Variants in FER1L6 observed in about 807,000 individuals in gnomAD.
FER1L6 encodes the protein fer-1 like family member 6.
FER1L6 carries 177 observed loss-of-function variants against 219.2 expected under a neutral mutation model. The observed-to-expected ratio is 0.81, with a 90% CI of 0.71 to 0.91. The LOEUF is 0.91. FER1L6 is among the 40% of genes least tolerant of loss of function. The pLI is 0.00. For synonymous variants in FER1L6, 768 were observed against 824.3 expected, an observed-to-expected ratio of 0.93 and a Z score of 1.17; for missense variants, 2,153 against 2,259.9, an observed-to-expected ratio of 0.95 and a Z score of 0.96.
intron 10 of FER1L6, among the ~76,000 whole-genome samples, chr8:123,979,781 C>G (rs560422768): frequency 2.0e-5 from 3 of 152,302 alleles, no homozygotes; most frequent in South Asian, 2.1e-4. Flanking sequence ...CTTCATGTAA[C>G]AGCCATAGTG....
At chr8:123,899,349 ATTGT>A (rs757342868) in intron 1 of FER1L6, among the ~76,000 whole-genome samples, 6 of 150,372 alleles carry the variant, frequency 4.0e-5, no homozygotes, top group East Asian at 3.9e-4. Context: ...TTTTGATGGG[ATTGT>A]TTGTTTGTTT....
intron 1 of FER1L6, among the ~76,000 whole-genome samples, chr8:123,878,841 T>C (rs1341509478): frequency 6.6e-6 from 1 of 152,164 alleles, no homozygotes; most frequent in Admixed American, 6.5e-5. Context: ...ATTTTTGTTA[T>C]AAAAAATGTT....
At position 124,049,473 on chromosome 8, in the gene FER1L6, G is replaced by C. The variant is rs1182614469; in HGVS notation, c.2725-134G>C. On this transcript the variant is annotated intron_variant, in intron 21 of 40. Transcript: ENST00000522917. ...CTACGGAAATGGGCAAGAGGAGCTTGGCAGGAGAAAAGAGTGAGACATGGA... is the reference window on the plus strand; with the variant it reads ...CTACGGAAATGGGCAAGAGGAGCTTCGCAGGAGAAAAGAGTGAGACATGGA... 3 of 1,016,992 alleles carry C rather than the reference G, an allele frequency of 2.9e-6. No individual in the cohort carries two copies. In the Admixed American group the frequency reaches 7.0e-5, roughly 24 times the overall value. 63.0% of individuals were successfully genotyped at this position (1,016,992 alleles called of 1,614,324 possible). A position where few individuals can be genotyped will look rare whatever the true frequency, so the allele number is the denominator to read the frequency against.
At chr8:123,869,096 C>T (rs899562133) in intron 1 of FER1L6, among the ~76,000 whole-genome samples, 1 of 151,950 alleles carries the variant, frequency 6.6e-6, no homozygotes, top group Non-Finnish European at 1.5e-5. Context: ...TTCCTAAAGA[C>T]ATAATGAAAG....
intron 7 of FER1L6, among the ~76,000 whole-genome samples, chr8:123,973,771 T>A (rs938318839): frequency 1.3e-5 from 2 of 152,110 alleles, no homozygotes; most frequent in Non-Finnish European, 2.9e-5. Context: ...GGAGAGGCAA[T>A]GGAATATAGG....
chr8:124,079,366 T>C (rs1488699783), intron 32 of FER1L6, among the ~76,000 whole-genome samples: 1 of 152,246 alleles, frequency 6.6e-6, no homozygotes, highest in Non-Finnish European at 1.5e-5. Context: ...TTATTGTTTT[T>C]GCTCTTAAGC....
chr8:124,010,293 T>C (rs990439683), intron 13 of FER1L6, among the ~76,000 whole-genome samples: 1 of 152,012 alleles, frequency 6.6e-6, no homozygotes, highest in Admixed American at 6.6e-5. Flanking sequence ...TAAATAAAAA[T>C]AAAGCCATCC....
At position 123,980,456 on chromosome 8, in the gene FER1L6, T is replaced by C. The variant is rs1181189988; in HGVS notation, c.1064-9T>C. ...ATAATGAGATAACTAAAACCTGGGG[T>C]CTCTCTAGGCTTTCTGCCCACCTTT... is the stretch of plus-strand genomic sequence containing the variant. On this transcript the variant is annotated splice_polypyrimidine_tract_variant and intron_variant, in intron 10 of 40. Transcript: ENST00000522917. 1 of 1,570,796 alleles carries C rather than the reference T, an allele frequency of 6.4e-7. No individual in the cohort carries two copies.
chr8:123,910,288 G>T (rs940175583), intron 1 of FER1L6, among the ~76,000 whole-genome samples: 1 of 152,190 alleles, frequency 6.6e-6, no homozygotes, highest in African/African-American at 2.4e-5. Context: ...AATTTGACTG[G>T]GGAAAGAGTA....
chr8:123,932,212 G>T (rs147097559), intron 1 of FER1L6, among the ~76,000 whole-genome samples: 3 of 152,154 alleles, frequency 2.0e-5, no homozygotes, highest in African/African-American at 7.2e-5. Context: ...GAGTTCATGC[G>T]ATTCTCCTGC....
chr8:124,049,674 A>C lies in FER1L6; in HGVS notation c.2792A>C (p.Glu931Ala). The change falls in exon 22 of 41, where the codon GAG (glutamate) becomes GCG (alanine). Residue 931 changes from glutamate (E) to alanine (A), a missense_variant. By Grantham distance (107) the Glu-to-Ala change is moderately radical. Transcript: ENST00000522917. Reference protein sequence around the residue: ...PVVKLADQDYEPPRLCYHPIF... With the variant: ...PVVKLADQDYAPPRLCYHPIF... ...GTGAAGCTGGCTGACCAGGACTATG[A>C]GCCCCCCAGGTTATGCTATCACCCC... 6.2e-7 allele frequency: 1 copy of C among 1,614,010 alleles called. No individual in the cohort carries two copies. The highest frequency in any genetic ancestry group is 1.3e-5 in the African/African-American group (1 of 75,018).
chr8:123,867,827 G>A (rs892084385), intron 1 of FER1L6, among the ~76,000 whole-genome samples: 2 of 152,142 alleles, frequency 1.3e-5, no homozygotes, highest in East Asian at 3.8e-4. Flanking sequence ...TGTCATAAAT[G>A]TGTAACTTAC....
At chr8:124,008,862 A>G (rs1324340660) in intron 13 of FER1L6, among the ~76,000 whole-genome samples, 1 of 152,224 alleles carries the variant, frequency 6.6e-6, no homozygotes, top group Non-Finnish European at 1.5e-5. Context: ...CAACAGACAT[A>G]TGAAAAAATG....
chr8:124,113,834 T>C (rs1304666914), intron 39 of FER1L6, among the ~76,000 whole-genome samples: 1 of 152,224 alleles, frequency 6.6e-6, no homozygotes, highest in Non-Finnish European at 1.5e-5. Context: ...TGATACTGTT[T>C]ACTCCATAGC....
intron 15 of FER1L6, among the ~76,000 whole-genome samples, chr8:124,014,960 C>G (rs982351056): frequency 6.6e-6 from 1 of 152,124 alleles, no homozygotes; most frequent in South Asian, 2.1e-4. Context: ...AGATCACTCA[C>G]GTGGTTATTT....
At chr8:123,891,153 A>T (rs947602992) in intron 1 of FER1L6, among the ~76,000 whole-genome samples, 3 of 152,188 alleles carry the variant, frequency 2.0e-5, no homozygotes, top group Non-Finnish European at 4.4e-5. Context: ...TTTATCACTG[A>T]TGGGCTTTTA....
At chr8:124,005,067 G>T (rs1817597743) in intron 13 of FER1L6, among the ~76,000 whole-genome samples, 1 of 151,554 alleles carries the variant, frequency 6.6e-6, no homozygotes, top group Non-Finnish European at 1.5e-5. Flanking sequence ...GATGAAGCCA[G>T]TCAATACAGT....
chr8:124,092,244 G>A (rs187468482), intron 34 of FER1L6, among the ~76,000 whole-genome samples: 19 of 152,088 alleles, frequency 1.2e-4, no homozygotes, highest in Middle Eastern at 3.4e-3. Flanking sequence ...GCCTTTTTAC[G>A]GTTATGCCAT....
At chr8:123,976,703 C>T (rs1251598783) in intron 9 of FER1L6, among the ~76,000 whole-genome samples, 1 of 152,116 alleles carries the variant, frequency 6.6e-6, no homozygotes, top group Admixed American at 6.5e-5. Context: ...GGTAGAATTT[C>T]CACCCACCTC....
Sources: allele counts gnomAD v4.1 joint callset (sites outside exome capture counted in the v4.1 genomes callset), GRCh38; gene constraint gnomAD v4.1.1; transcripts MANE v1.5; gene names NCBI Gene and HGNC (gene_info 2026-07-23, HGNC 2026-07-21).